SCMH1: variants seen among roughly 807,000 people sequenced by gnomAD.
SCMH1 encodes the protein polycomb protein SCMH1.
A neutral mutation model predicts 70.8 loss-of-function variants in SCMH1; 37 were observed. The observed-to-expected ratio is 0.52, with a 90% CI of 0.40 to 0.69. SCMH1 has a LOEUF of 0.69. SCMH1 is among the 30% of genes least tolerant of loss of function. SCMH1 has a pLI of 0.00. For synonymous variants in SCMH1, 292 were observed against 307.4 expected (o/e 0.95, Z 0.52); for missense variants, 607 against 827.3 (o/e 0.73, Z 3.27).
intron 11 of SCMH1, among the ~76,000 whole-genome samples, chr1:41,047,392 CTTTTTTTTTTTT>C (rs397861246): frequency 8.9e-6 from 1 of 112,440 alleles, no homozygotes; most frequent in Non-Finnish European, 1.8e-5. Flanking sequence ...ACTTCCCAGT[CTTTTTTTTTTTT>C]TTTTTTTTTT....
In SCMH1 at chr1:41,033,974, C is replaced by T. The variant is rs377029865; in HGVS notation, c.1678+3388G>A. 23 of 1,613,996 alleles carry T rather than the reference C, an allele frequency of 1.4e-5. No individual in the cohort carries two copies. In the African/African-American group the frequency reaches 2.8e-4, roughly 20 times the overall value. ...GGGAAGATAAAAATAACAGTAACTC[C>T]CCTCATACCTGGGGAACGATTTAGT... On this transcript the variant is annotated intron_variant, in intron 13 of 14. Transcript: ENST00000337495.
At chr1:41,054,227 T>C (rs1649387747) in intron 10 of SCMH1, among the ~76,000 whole-genome samples, 1 of 152,114 alleles carries the variant, frequency 6.6e-6, no homozygotes, top group Non-Finnish European at 1.5e-5. Flanking sequence ...AGGGGAAGTG[T>C]TGAAAGTTTG....
chr1:41,077,357 G>T (rs528464031), intron 8 of SCMH1, among the ~76,000 whole-genome samples: 1 of 152,272 alleles, frequency 6.6e-6, no homozygotes, highest in Non-Finnish European at 1.5e-5. Context: ...AGGAGCCCCT[G>T]CATGTGGCCA....
rs139463633 is a variant in SCMH1 at position 41,068,827 on chromosome 1, A to G, written c.1105+1768T>C. 7.2e-5 allele frequency among the ~76,000 whole-genome samples: 11 copies of G among 152,354 alleles called. No individual in the cohort carries two copies. The East Asian group carries it at 2.1e-3, about 29-fold the overall frequency. ...CCAAGAGAATGAAGAGATTTCATAC[A>G]AAACTAAATATGTAAATCTAAGAAT... is the stretch of plus-strand genomic sequence containing the variant. On this transcript the variant is annotated intron_variant, in intron 10 of 14. Transcript: ENST00000337495.
intron 1 of SCMH1, among the ~76,000 whole-genome samples, chr1:41,207,936 A>G (rs12045995): frequency 0.11 from 14,887 of 140,826 alleles, 984 homozygotes; most frequent in East Asian, 0.26. Flanking sequence ...GTATATACCC[A>G]AAGGACTATA....
chr1:41,141,939 C>A (rs1394827521), intron 6 of SCMH1, among the ~76,000 whole-genome samples: 2 of 152,118 alleles, frequency 1.3e-5, no homozygotes, highest in Non-Finnish European at 2.9e-5. Context: ...TTTAAGACAT[C>A]CTTGCCCATG....
intron 5 of SCMH1, among the ~76,000 whole-genome samples, chr1:41,144,990 C>T (rs951987532): frequency 6.6e-5 from 10 of 152,212 alleles, no homozygotes; most frequent in Non-Finnish European, 4.4e-5. Flanking sequence ...GGATACAAGT[C>T]CTTTACCAGA....
intron 10 of SCMH1, among the ~76,000 whole-genome samples, chr1:41,063,581 AC>A (rs1242296643): frequency 1.3e-4 from 20 of 151,988 alleles, no homozygotes; most frequent in Admixed American, 5.2e-4. Flanking sequence ...AAACAAACAA[AC>A]AAAAAAACAA....
chr1:41,143,901 T>A (rs566224655), intron 5 of SCMH1, among the ~76,000 whole-genome samples: 1 of 152,348 alleles, frequency 6.6e-6, no homozygotes, highest in African/African-American at 2.4e-5. Context: ...TGATAATTCA[T>A]CCATATTAGT....
At chr1:41,032,951 C>T (rs1389324426) in intron 13 of SCMH1, among the ~76,000 whole-genome samples, 3 of 148,682 alleles carry the variant, frequency 2.0e-5, no homozygotes, top group Non-Finnish European at 4.4e-5. Context: ...TGCATTCCAG[C>T]CTGGGCGACA....
chr1:41,170,140 T>G (rs561357743), intron 2 of SCMH1, among the ~76,000 whole-genome samples: 2 of 152,346 alleles, frequency 1.3e-5, no homozygotes, highest in South Asian at 4.1e-4. Flanking sequence ...AGTGCTTAAA[T>G]GCCCATATCT....
At chr1:41,139,580 A>C (rs902514964) in intron 6 of SCMH1, among the ~76,000 whole-genome samples, 1 of 152,220 alleles carries the variant, frequency 6.6e-6, no homozygotes, top group African/African-American at 2.4e-5. Context: ...ATAGTGATTC[A>C]TAAAGTAGTG....
chr1:41,169,072 T>C (rs1397135717), intron 2 of SCMH1, among the ~76,000 whole-genome samples: 2 of 152,216 alleles, frequency 1.3e-5, no homozygotes, highest in African/African-American at 4.8e-5. Context: ...CCTCTGATCC[T>C]GAGGAGAAGC....
chr1:41,099,113 A>T (rs1195818766), intron 8 of SCMH1: 2 of 237,724 alleles, frequency 8.4e-6, no homozygotes, highest in Non-Finnish European at 1.7e-5. Flanking sequence ...GGATGTTGCC[A>T]ACAAAACTGG....
In SCMH1 at chr1:41,051,257, TAAAC is replaced by T. The variant is rs1327967681; in HGVS notation, c.1106-2371_1106-2368del. On this transcript the variant is annotated intron_variant, in intron 10 of 14. Transcript: ENST00000337495. ...TCATGTGTTTGTGAGGAAGCTGGTG[TAAAC>T]AAACCTACTACACTGCCAGGCATAT... Among the ~76,000 whole-genome samples, 11 of 152,320 alleles carry T rather than the reference TAAAC, an allele frequency of 7.2e-5. 1 individual carries two copies. The highest frequency in any genetic ancestry group is 4.1e-4 in the South Asian group (2 of 4,824).
intron 10 of SCMH1, among the ~76,000 whole-genome samples, chr1:41,067,709 T>C (rs1348379886): frequency 1.3e-5 from 2 of 152,132 alleles, no homozygotes; most frequent in African/African-American, 4.8e-5. Flanking sequence ...CTATTTTGTA[T>C]TATACATGAT....
Position 41,113,390 on chromosome 1 carries a change from C to T in SCMH1, c.638G>A (p.Gly213Glu). Residue 213 changes from glycine to glutamate, a missense_variant, in exon 8 of 15, where the codon GGG becomes GAG. Coordinates refer to ENST00000337495, the Ensembl canonical transcript of SCMH1. This position sits in a 1 kb window ranked among gnomAD's most constrained non-coding sequence, Gnocchi z 4.3. ...CCAGTAGTCAAAGGCCCCTCGCCAC[C>T]CATCAAAAGTGACAAGCACCTCTGA... 6.2e-7 allele frequency: 1 copy of T among 1,614,010 alleles called. No homozygotes were observed. Among genetic ancestry groups the T allele is most frequent in the Non-Finnish European group, 8.5e-7 (1 of 1,179,984 alleles).
chr1:41,189,958 A>T (rs992141784), intron 1 of SCMH1, among the ~76,000 whole-genome samples: 1 of 152,220 alleles, frequency 6.6e-6, no homozygotes, highest in African/African-American at 2.4e-5. Context: ...ACAGAGAAGA[A>T]GTTCAGTGGT....
intron 1 of SCMH1, among the ~76,000 whole-genome samples, chr1:41,192,495 GACACACACACACACACAC>G (rs55940657): frequency 6.7e-6 from 1 of 148,646 alleles, no homozygotes; most frequent in Non-Finnish European, 1.5e-5. Flanking sequence ...TTAAATAGGA[GACACACACACACACACAC>G]ACACACACAC....
Sources: allele counts gnomAD v4.1 joint callset (sites outside exome capture counted in the v4.1 genomes callset), GRCh38; gene constraint gnomAD v4.1.1; non-coding constraint Gnocchi (gnomAD v3.1); transcripts MANE v1.5; gene names NCBI Gene and HGNC (gene_info 2026-07-23, HGNC 2026-07-21).